KCNH7: variants seen among roughly 807,000 people sequenced by gnomAD.
The protein encoded by KCNH7 is potassium voltage-gated channel subfamily H member 7.
A neutral mutation model predicts 120.8 loss-of-function variants in KCNH7; 49 were observed. The observed-to-expected ratio is 0.41, with a 90% CI of 0.32 to 0.51. KCNH7 has a LOEUF of 0.51. Ranked by LOEUF, KCNH7 falls within the 20% of genes least tolerant of loss-of-function variation. The probability of loss-of-function intolerance (pLI) is 0.38; values close to 1 mark genes in which losing one functional copy is unlikely to be tolerated. For synonymous variants in KCNH7, 547 were observed against 516.1 expected (o/e 1.06, Z -0.81); for missense variants, 1,097 against 1,446.6 (o/e 0.76, Z 3.92).
intron 2 of KCNH7, among the ~76,000 whole-genome samples, chr2:162,772,301 A>AT (rs1374947391): frequency 1.3e-5 from 2 of 152,186 alleles, no homozygotes; most frequent in Non-Finnish European, 2.9e-5. Context: ...GAGGTAAGCT[A>AT]TACTTTTTTA....
At chr2:162,567,429 T>C (rs1194584263) in intron 2 of KCNH7, among the ~76,000 whole-genome samples, 2 of 151,984 alleles carry the variant, frequency 1.3e-5, no homozygotes, top group African/African-American at 2.4e-5. Flanking sequence ...ACCACTATCA[T>C]ACATGTTGAT....
intron 7 of KCNH7, among the ~76,000 whole-genome samples, chr2:162,439,280 A>AT (rs1187474424): frequency 7.9e-5 from 12 of 152,106 alleles, no homozygotes; most frequent in African/African-American, 2.9e-4. Context: ...TTGTCTGTTT[A>AT]TTGTTATTCT....
At chr2:162,781,909 T>C (rs1183154138) in intron 2 of KCNH7, among the ~76,000 whole-genome samples, 1 of 152,208 alleles carries the variant, frequency 6.6e-6, no homozygotes, top group Non-Finnish European at 1.5e-5. Flanking sequence ...ATAAATTCAA[T>C]GAATATTTCT....
At chr2:162,450,140 T>C (rs1319937394) in intron 6 of KCNH7, among the ~76,000 whole-genome samples, 2 of 152,122 alleles carry the variant, frequency 1.3e-5, no homozygotes, top group Admixed American at 1.3e-4. Context: ...CTGTTCCTAT[T>C]AGGCTTCAAA....
chr2:162,443,388 C>T (rs1016035396), intron 7 of KCNH7, among the ~76,000 whole-genome samples: 2 of 152,184 alleles, frequency 1.3e-5, no homozygotes, highest in African/African-American at 4.8e-5. Flanking sequence ...CTTTTTCTCC[C>T]TAAGGTTTTT....
intron 2 of KCNH7, among the ~76,000 whole-genome samples, chr2:162,687,346 A>G (rs1685933017): frequency 6.6e-6 from 1 of 152,196 alleles, no homozygotes; most frequent in Non-Finnish European, 1.5e-5. Context: ...GACAGTGGCT[A>G]AACATAACTA....
At position 162,507,786 on chromosome 2, in the gene KCNH7, A is replaced by G. The variant is rs183612114; in HGVS notation, c.914-3129T>C. Reference sequence around the variant, plus strand: ...TTCAGTTTATATTGGTATATTAATCATAATTAAATTTTAGTTACTTCCCAT... The same window carrying G: ...TTCAGTTTATATTGGTATATTAATCGTAATTAAATTTTAGTTACTTCCCAT... On this transcript the variant is annotated intron_variant, in intron 5 of 15. Coordinates refer to ENST00000332142, the MANE Select transcript of KCNH7 (RefSeq NM_033272.4). Among the ~76,000 whole-genome samples the G allele has an allele frequency of 9.8e-4, 148 of 151,740 alleles. 2 individuals carry two copies. Among genetic ancestry groups the G allele is most frequent in the African/African-American group, 3.4e-3 (140 of 41,524 alleles).
At chr2:162,824,545 A>G (rs1253383656) in intron 2 of KCNH7, among the ~76,000 whole-genome samples, 1 of 152,096 alleles carries the variant, frequency 6.6e-6, no homozygotes, top group East Asian at 1.9e-4. Flanking sequence ...AGATCAGATT[A>G]CCAGAGCTCT....
At chr2:162,649,819 T>C (rs1246242376) in intron 2 of KCNH7, among the ~76,000 whole-genome samples, 2 of 152,178 alleles carry the variant, frequency 1.3e-5, no homozygotes, top group Non-Finnish European at 2.9e-5. Flanking sequence ...TAATTAAACA[T>C]AGCTACATTT....
intron 7 of KCNH7, among the ~76,000 whole-genome samples, chr2:162,444,026 C>T (rs1469030861): frequency 6.6e-6 from 1 of 152,180 alleles, no homozygotes; most frequent in Non-Finnish European, 1.5e-5. Flanking sequence ...ACTCAAATGG[C>T]CTCTCCTTAC....
chr2:162,692,739 A>C (rs2105330827), intron 2 of KCNH7, among the ~76,000 whole-genome samples: 1 of 152,306 alleles, frequency 6.6e-6, no homozygotes, highest in Non-Finnish European at 1.5e-5. Context: ...ATTTTCAAAC[A>C]CTGGAAAATA....
At chr2:162,769,853 G>A (rs1682974041) in intron 2 of KCNH7, among the ~76,000 whole-genome samples, 1 of 152,006 alleles carries the variant, frequency 6.6e-6, no homozygotes, top group South Asian at 2.1e-4. Context: ...ACAAACTTAG[G>A]ATGCAAATAA....
chr2:162,410,282 C>G (rs992106160), intron 9 of KCNH7, among the ~76,000 whole-genome samples: 27 of 152,104 alleles, frequency 1.8e-4, no homozygotes, highest in African/African-American at 6.3e-4. Flanking sequence ...CACACACATA[C>G]AGCCACCTGA....
intron 6 of KCNH7, among the ~76,000 whole-genome samples, chr2:162,488,072 G>A (rs1690160965): frequency 1.3e-5 from 2 of 152,208 alleles, no homozygotes; most frequent in African/African-American, 4.8e-5. Context: ...CTCTCCCTGT[G>A]CTTCTTTTCT....
intron 8 of KCNH7, among the ~76,000 whole-genome samples, chr2:162,428,937 G>T (rs1687963385): frequency 6.6e-6 from 1 of 151,532 alleles, no homozygotes; most frequent in African/African-American, 2.4e-5. Flanking sequence ...TTTTAAAAAT[G>T]CTTTCTGATA....
intron 3 of KCNH7, 65 bp downstream of exon 3, chr2:162,536,860 T>G (rs1212173414): frequency 7.7e-7 from 1 of 1,298,494 alleles, no homozygotes; most frequent in Non-Finnish European, 1.1e-6. Context: ...AAATGAAGAC[T>G]GTATTAAAGT....
intron 6 of KCNH7, among the ~76,000 whole-genome samples, chr2:162,495,465 T>C (rs1312702815): frequency 1.3e-5 from 2 of 152,194 alleles, no homozygotes; most frequent in Non-Finnish European, 2.9e-5. Flanking sequence ...AGATTCCTTG[T>C]AGAACAGAGT....
intron 5 of KCNH7, 57 bp downstream of exon 5, chr2:162,512,597 T>C (rs1691114373): frequency 1.3e-6 from 2 of 1,532,316 alleles, no homozygotes; most frequent in Non-Finnish European, 1.8e-6. Context: ...CAAGTTAACA[T>C]GCCGAGTAAA....
intron 2 of KCNH7, among the ~76,000 whole-genome samples, chr2:162,592,192 T>C (rs1370246852): frequency 6.6e-6 from 1 of 152,090 alleles, no homozygotes; most frequent in East Asian, 1.9e-4. Flanking sequence ...AGAGTTGTGC[T>C]GAGTTTCCTG....
Sources: gnomAD v4.1 joint callset for allele counts (sites outside exome capture counted in the v4.1 genomes callset) on GRCh38, gnomAD v4.1.1 for gene constraint, MANE v1.5 for transcripts, NCBI Gene and HGNC (gene_info 2026-07-23, HGNC 2026-07-21) for gene names.